The following ABCG8 variants were observed in gnomAD, a reference collection of about 807,000 sequenced individuals.
ABCG8 encodes the protein ATP-binding cassette sub-family G member 8.
Under a neutral mutation model 71.3 loss-of-function variants are expected in ABCG8, and 81 were observed. The observed-to-expected ratio is 1.14, with a 90% CI of 0.95 to 1.37. The LOEUF (loss-of-function observed/expected upper bound fraction) is 1.37, where lower values mean the gene tolerates loss of function less well. Ranked by LOEUF, ABCG8 falls within the 40% of genes most tolerant of loss-of-function variation. ABCG8 has a pLI of 0.00. For synonymous variants in ABCG8, 451 were observed against 354.7 expected, an observed-to-expected ratio of 1.27 and a Z score of -3.05; for missense variants, 1,119 against 866.2, an observed-to-expected ratio of 1.29 and a Z score of -3.66.
intron 6 of ABCG8, among the ~76,000 whole-genome samples, chr2:43,853,114 C>G (rs1668985003): frequency 6.6e-6 from 1 of 152,200 alleles, no homozygotes; most frequent in African/African-American, 2.4e-5. Flanking sequence ...AACTTGCAAA[C>G]TCCAAAGATG....
At chr2:43,844,247 C>A (rs1406472158) in intron 1 of ABCG8, among the ~76,000 whole-genome samples, 1 of 152,142 alleles carries the variant, frequency 6.6e-6, no homozygotes, top group Non-Finnish European at 1.5e-5. Context: ...CTCCACCAGC[C>A]TGAGGTTGAG....
chr2:43,872,630 G>T (rs1669822001), intron 8 of ABCG8, among the ~76,000 whole-genome samples: 1 of 152,134 alleles, frequency 6.6e-6, no homozygotes, highest in African/African-American at 2.4e-5. Context: ...AGGATTGCTT[G>T]ATTCCTGGAG....
chr2:43,866,508 A>C (rs1669536604), intron 6 of ABCG8, among the ~76,000 whole-genome samples: 1 of 151,882 alleles, frequency 6.6e-6, no homozygotes, highest in Admixed American at 6.6e-5. Context: ...AGAAAAAAAC[A>C]AACAACCCCA....
Position 43,851,610 on chromosome 2 carries a change from G to GTGA in ABCG8, c.351_353dup (p.Val117_Ile118insMet), listed in dbSNP as rs1303918963. On this transcript the variant is annotated inframe_insertion, in exon 4 of 13. Coordinates refer to ENST00000272286, the MANE Select transcript of ABCG8 (RefSeq NM_022437.3). Reference sequence around the variant, plus strand: ...TTGTGGGAGAGCCTCCTTGCTAGATGTGATCACTGGCCGAGGTCACGGCGG... The same window carrying GTGA: ...TTGTGGGAGAGCCTCCTTGCTAGATGTGATGATCACTGGCCGAGGTCACGGCGG... The GTGA allele has an allele frequency of 1.2e-6, 2 of 1,614,122 alleles. No homozygotes were observed. The highest frequency in any genetic ancestry group is 3.3e-5 in the Admixed American group (2 of 60,012).
intron 8 of ABCG8, among the ~76,000 whole-genome samples, chr2:43,872,551 A>G (rs1669819727): frequency 2.0e-5 from 3 of 152,122 alleles, no homozygotes; most frequent in Non-Finnish European, 4.4e-5. Context: ...GTGAAAGCCC[A>G]TCTCTACAAA....
At chr2:43,869,709 A>G (rs1347986784) in intron 6 of ABCG8, among the ~76,000 whole-genome samples, 2 of 151,924 alleles carry the variant, frequency 1.3e-5, no homozygotes, top group Admixed American at 6.6e-5. Flanking sequence ...AAGTCTCATT[A>G]TCTGTCTGGA....
intron 3 of ABCG8, chr2:43,848,123 A>G (rs1558802669): frequency 6.6e-6 from 1 of 152,102 alleles, no homozygotes; most frequent in Non-Finnish European, 1.5e-5. Context: ...GCCTGTGTAA[A>G]AAAAACAAAA....
rs1457362479 is a variant in ABCG8 at position 43,880,626 on chromosome 2, T to G, written c.*2713T>G. 1 of 151,264 alleles carries G rather than the reference T, an allele frequency of 6.6e-6. No homozygotes were observed. The highest frequency in any genetic ancestry group is 1.5e-5 in the Non-Finnish European group (1 of 67,860). The allele number at this position is 151,264 out of a possible 1,614,324, so 9.4% of individuals were successfully genotyped here. On this transcript the variant is annotated 3_prime_UTR_variant, in exon 13 of 13. Transcript: ENST00000272286. ...TTGTGGAACATCTCTGCTCCCAGGC[T>G]CTCTCAGTGAACAGAGTTAGGGAGT...
intron 1 of ABCG8, among the ~76,000 whole-genome samples, chr2:43,842,665 T>G (rs1245296278): frequency 1.3e-5 from 2 of 152,068 alleles, no homozygotes; most frequent in African/African-American, 2.4e-5. Context: ...CACCACCAAT[T>G]ACCAAAAGCT....
chr2:43,853,346 C>T (rs146627552), intron 6 of ABCG8, among the ~76,000 whole-genome samples: 4 of 152,284 alleles, frequency 2.6e-5, no homozygotes, highest in African/African-American at 9.6e-5. Flanking sequence ...CTCTGGCAGC[C>T]CCAGGCTTGC....
In ABCG8 at chr2:43,877,835, T is replaced by G. The variant is rs1224637339; in HGVS notation, c.1944T>G (p.Ile648Met). The change falls in exon 13 of 13, where the codon ATT (isoleucine) becomes ATG (methionine). Residue 648 changes from isoleucine (I) to methionine (M), a missense_variant. Coordinates refer to ENST00000272286, the MANE Select transcript of ABCG8 (RefSeq NM_022437.3). ...TCTACGCCATCTACCTCATCGTCAT[T>G]GGCCTCAGCGGTGGCTTCATGGTCC... ...YPLYAIYLIV[I>M]GLSGGFMVLY... The G allele has an allele frequency of 6.2e-7, 1 of 1,614,034 alleles. No homozygotes were observed. Among genetic ancestry groups the G allele is most frequent in the African/African-American group, 1.3e-5 (1 of 74,892 alleles).
rs1572868178 is a variant in ABCG8 at position 43,875,338 on chromosome 2, T to C, written c.1681T>C (p.Phe561Leu). 6.2e-7 allele frequency: 1 copy of C among 1,614,168 alleles called. No homozygotes were observed. ...GCTCCCCACCTTCCACATGGCCTCC[T>C]TCTTCAGCAATGCCCTCTACAACTC... ...ALLPTFHMAS[F>L]FSNALYNSFY... Residue 561 changes from phenylalanine to leucine, a missense_variant, in exon 11 of 13, where the codon TTC becomes CTC. Phe to Leu is a conservative substitution (Grantham distance 22, BLOSUM62 0). Transcript: ENST00000272286.
chr2:43,871,318 C>T (rs1295347870), intron 6 of ABCG8, among the ~76,000 whole-genome samples: 1 of 137,096 alleles, frequency 7.3e-6, no homozygotes, highest in African/African-American at 2.8e-5. Context: ...CTGGATAGAA[C>T]TCTCACTCTC....
At chr2:43,863,057 T>C (rs1325279660) in intron 6 of ABCG8, among the ~76,000 whole-genome samples, 1 of 148,144 alleles carries the variant, frequency 6.8e-6, no homozygotes, top group Non-Finnish European at 1.5e-5. Flanking sequence ...GTAGAACTCT[T>C]ACTATCTATC....
chr2:43,870,676 T>C (rs1373429975), intron 6 of ABCG8, among the ~76,000 whole-genome samples: 1 of 152,042 alleles, frequency 6.6e-6, no homozygotes, highest in Non-Finnish European at 1.5e-5. Context: ...ACTCTCACTA[T>C]ATGGGTAGAA....
At chr2:43,872,770 T>TA (rs1360612229) in intron 8 of ABCG8, among the ~76,000 whole-genome samples, 1 of 152,160 alleles carries the variant, frequency 6.6e-6, no homozygotes, top group Non-Finnish European at 1.5e-5. Flanking sequence ...AGAACACCCC[T>TA]ATTGCTTTTA....
In ABCG8 at chr2:43,851,592, A is replaced by G; in HGVS notation, c.331A>G (p.Arg111Gly). The change falls in exon 4 of 13, where the codon AGA (arginine) becomes GGA (glycine). Residue 111 changes from arginine (R) to glycine (G), a missense_variant. Transcript: ENST00000272286. The part of the protein sequence containing the change: ...LAIIGSSGCG[R>G]ASLLDVITGR... ...CCCTGGTGGCTTTGCAGGTTGTGGG[A>G]GAGCCTCCTTGCTAGATGTGATCAC... 1 of 1,614,202 alleles carries G rather than the reference A, an allele frequency of 6.2e-7. No homozygotes were observed. Among genetic ancestry groups the G allele is most frequent in the Non-Finnish European group, 8.5e-7 (1 of 1,180,018 alleles).
rs773684932 is a variant in ABCG8, at chr2:43,875,259, G to T, written c.1602G>T (p.Leu534=). The change falls in exon 11 of 13, where the codon CTG becomes CTT. Residue 534 remains leucine (L), a synonymous_variant. Transcript: ENST00000272286. ...GLQPFLLHFL[L]VWLVVFCCRI... is the part of the protein sequence containing the mutation. Reference sequence around the variant, plus strand: ...AGCCCTTCCTGCTGCACTTCCTGCTGGTGTGGCTGGTGGTCTTCTGTTGCA... The same window carrying T: ...AGCCCTTCCTGCTGCACTTCCTGCTTGTGTGGCTGGTGGTCTTCTGTTGCA... 1 of 1,614,220 alleles carries T rather than the reference G, an allele frequency of 6.2e-7. No individual in the cohort carries two copies. The highest frequency in any genetic ancestry group is 8.5e-7 in the Non-Finnish European group (1 of 1,180,044).
At chr2:43,875,117 C>T in intron 10 of ABCG8, 29 bp from the exon 11 acceptor site, 1 of 1,614,134 alleles carries the variant, frequency 6.2e-7, no homozygotes, top group South Asian at 1.1e-5. Flanking sequence ...GTGCTGGCTT[C>T]ATATCCTTGC....
Sources: gnomAD v4.1 joint callset for allele counts (sites outside exome capture counted in the v4.1 genomes callset) on GRCh38, gnomAD v4.1.1 for gene constraint, MANE v1.5 for transcripts, NCBI Gene and HGNC (gene_info 2026-07-23, HGNC 2026-07-21) for gene names.